Variants in NRG1 observed in about 807,000 individuals in gnomAD.
NRG1 encodes neuregulin 1.
NRG1 carries 18 observed loss-of-function variants against 63.8 expected under a neutral mutation model. The ratio of observed to expected loss-of-function variants is 0.28; its 90% CI spans 0.19 to 0.42. The LOEUF is 0.42. Ranked by LOEUF, NRG1 falls within the 10% of genes least tolerant of loss-of-function variation. The probability of loss-of-function intolerance (pLI) is 1.00; values close to 1 mark genes in which losing one functional copy is unlikely to be tolerated. For missense variants in NRG1, 762 were observed against 814.7 expected, an observed-to-expected ratio of 0.94 and a Z score of 0.79; for synonymous variants, 302 against 301.3, an observed-to-expected ratio of 1.00 and a Z score of -0.02.
At chr8:32,196,118 AGTGTGTGTGTGT>A (rs55951634) in intron 1 of NRG1, among the ~76,000 whole-genome samples, 2 of 146,854 alleles carry the variant, frequency 1.4e-5, no homozygotes, top group South Asian at 4.4e-4. Flanking sequence ...AAAAACAATG[AGTGTGTGTGTGT>A]GTGTGTGTGT....
chr8:31,723,743 G>C (rs2131318612), intron 1 of NRG1, among the ~76,000 whole-genome samples: 1 of 152,236 alleles, frequency 6.6e-6, no homozygotes, highest in African/African-American at 2.4e-5. Flanking sequence ...TTTTCTTACT[G>C]TAACTAACTA....
chr8:32,521,244 T>C (rs1830315591), intron 1 of NRG1, among the ~76,000 whole-genome samples: 1 of 152,202 alleles, frequency 6.6e-6, no homozygotes. Flanking sequence ...GAATATCCTT[T>C]AGGTTTATTT....
chr8:32,095,336 CA>C (rs974764852), intron 1 of NRG1, among the ~76,000 whole-genome samples: 1 of 152,158 alleles, frequency 6.6e-6, no homozygotes, highest in Admixed American at 6.6e-5. Context: ...ATCATCTCGT[CA>C]AGCAGAGTTT....
intron 8 of NRG1, 28 bp downstream of exon 8, chr8:32,754,502 C>T: frequency 6.2e-7 from 1 of 1,603,142 alleles, no homozygotes; most frequent in Non-Finnish European, 8.5e-7. Flanking sequence ...ATGCCTTTCT[C>T]TCTCCTTCAT....
intron 1 of NRG1, among the ~76,000 whole-genome samples, chr8:32,001,280 C>G (rs1031598767): frequency 6.6e-6 from 1 of 151,872 alleles, no homozygotes; most frequent in Admixed American, 6.6e-5. Context: ...GGGTTTTTCC[C>G]CTGCTATTCT....
chr8:32,314,529 T>G (rs1755071562), intron 1 of NRG1, among the ~76,000 whole-genome samples: 1 of 152,220 alleles, frequency 6.6e-6, no homozygotes, highest in Non-Finnish European at 1.5e-5. Context: ...TGTTCTGTAA[T>G]ACAGAAGTAA....
intron 5 of NRG1, among the ~76,000 whole-genome samples, chr8:32,700,532 T>G (rs554750342): frequency 1.2e-3 from 182 of 152,318 alleles, no homozygotes; most frequent in Non-Finnish European, 2.2e-3. Context: ...ATATGCATCC[T>G]TTTAAATTTA....
chr8:32,026,101 C>T (rs1398190908), intron 1 of NRG1: 4 of 146,464 alleles, frequency 2.7e-5, no homozygotes, highest in Non-Finnish European at 5.9e-5. Context: ...CGGAGTCTCG[C>T]TCTGTCGCCC....
rs142957952 is a variant in NRG1, at chr8:31,949,960, C to G, written c.37+310529C>G. Among the ~76,000 whole-genome samples the G allele has an allele frequency of 3.2e-3, 490 of 152,324 alleles. 1 individual carries two copies. The highest frequency in any genetic ancestry group is 0.014 in the Middle Eastern group (4 of 294). On this transcript the variant is annotated intron_variant, in intron 1 of 10. Transcript: ENST00000519301. ...TTTATCCTAAAACACAAAGCTTATA[C>G]CATCCATTAGCATGTCTTGGCTATT... is the stretch of plus-strand genomic sequence containing the variant.
At chr8:32,695,208 G>A (rs1563965848) in intron 5 of NRG1, among the ~76,000 whole-genome samples, 3 of 152,040 alleles carry the variant, frequency 2.0e-5, no homozygotes, top group African/African-American at 7.2e-5. Flanking sequence ...GGGGATGGTG[G>A]CGCATATCTG....
intron 1 of NRG1, among the ~76,000 whole-genome samples, chr8:32,532,345 C>A (rs1831535586): frequency 6.6e-6 from 1 of 152,130 alleles, no homozygotes; most frequent in Non-Finnish European, 1.5e-5. Context: ...TAAGTGTTTT[C>A]AAAATACTTT....
chr8:31,926,214 C>A (rs563462437), intron 1 of NRG1, among the ~76,000 whole-genome samples: 1 of 152,220 alleles, frequency 6.6e-6, no homozygotes, highest in South Asian at 2.1e-4. Flanking sequence ...TACAGCCCTT[C>A]AGAGGTCTCA....
intron 1 of NRG1, among the ~76,000 whole-genome samples, chr8:32,055,509 A>C (rs1206837476): frequency 6.6e-6 from 1 of 152,140 alleles, no homozygotes; most frequent in Non-Finnish European, 1.5e-5. Context: ...CTGCTGTTTT[A>C]GAGATTACAG....
chr8:32,620,809 G>A (rs1426323068), intron 5 of NRG1, among the ~76,000 whole-genome samples: 1 of 151,492 alleles, frequency 6.6e-6, no homozygotes, highest in African/African-American at 2.4e-5. Flanking sequence ...GCAACAGAGC[G>A]AGAACTTGTC....
intron 1 of NRG1, among the ~76,000 whole-genome samples, chr8:32,188,428 C>T (rs1001264873): frequency 6.6e-6 from 1 of 152,142 alleles, no homozygotes; most frequent in African/African-American, 2.4e-5. Flanking sequence ...AATGACAAGA[C>T]ATGCTCCTGC....
chr8:32,313,392 A>G (rs140885394), intron 1 of NRG1, among the ~76,000 whole-genome samples: 1 of 152,260 alleles, frequency 6.6e-6, no homozygotes, highest in Non-Finnish European at 1.5e-5. Context: ...GACTCCACAC[A>G]TCCATGCATT....
chr8:32,202,478 G>A (rs967353889), intron 1 of NRG1, among the ~76,000 whole-genome samples: 1 of 152,112 alleles, frequency 6.6e-6, no homozygotes, highest in Non-Finnish European at 1.5e-5. Context: ...CTGCCATCTG[G>A]AGATGGCTTA....
chr8:31,656,617 G>A (rs1390995302), intron 1 of NRG1, among the ~76,000 whole-genome samples: 2 of 152,152 alleles, frequency 1.3e-5, no homozygotes, highest in Non-Finnish European at 1.5e-5. Context: ...AGACCCAATG[G>A]ATAGTTTGTA....
chr8:31,736,930 C>T (rs533745741), intron 1 of NRG1, among the ~76,000 whole-genome samples: 11 of 152,124 alleles, frequency 7.2e-5, no homozygotes, highest in African/African-American at 2.7e-4. Flanking sequence ...ACCTCTGAGA[C>T]CCATTGTAAA....
Sources: allele counts gnomAD v4.1 joint callset (sites outside exome capture counted in the v4.1 genomes callset), GRCh38; gene constraint gnomAD v4.1.1; transcripts MANE v1.5; gene names NCBI Gene and HGNC (gene_info 2026-07-23, HGNC 2026-07-21).